LETM1: variants seen among roughly 807,000 people sequenced by gnomAD.
The protein encoded by LETM1 is mitochondrial proton/calcium exchanger protein.
In LETM1, 50 loss-of-function variants were observed where a neutral mutation model predicts 74.5. That is an observed-to-expected ratio of 0.67 (90% CI 0.53 to 0.85). The LOEUF is 0.85. Among genes scored for constraint, LETM1 ranks in the 40% least tolerant of loss-of-function variants. The pLI is 0.00. For missense variants in LETM1, 824 were observed against 967.8 expected, an observed-to-expected ratio of 0.85 and a Z score of 1.97; for synonymous variants, 446 against 407.1, an observed-to-expected ratio of 1.10 and a Z score of -1.15.
In LETM1 at chr4:1,814,251, G is replaced by A. The variant is rs576408933; in HGVS notation, c.*173C>T. 3.9e-5 allele frequency: 42 copies of A among 1,075,710 alleles called. No homozygotes were observed. Among genetic ancestry groups the A allele is most frequent in the Non-Finnish European group, 4.5e-5 (33 of 741,104 alleles). 66.6% of individuals were successfully genotyped at this position (1,075,710 alleles called of 1,614,324 possible). A position where few individuals can be genotyped will look rare whatever the true frequency, so the allele number is the denominator to read the frequency against. On this transcript the variant is annotated 3_prime_UTR_variant, in exon 14 of 14. Transcript: ENST00000302787. ...TGGAGGGGTTCCGGGATTCCAGACA[G>A]ACTGAATCTCCGTGGAATGATGAAA...
intron 3 of LETM1, among the ~76,000 whole-genome samples, chr4:1,837,699 G>GTTTTT (rs1156556783): frequency 4.0e-5 from 5 of 125,760 alleles, no homozygotes; most frequent in Non-Finnish European, 6.7e-5. Context: ...AAATTTACAA[G>GTTTTT]TTTTTTTTTT....
intron 6 of LETM1, 102 bp downstream of exon 6, chr4:1,832,642 A>G: frequency 8.5e-7 from 1 of 1,170,800 alleles, no homozygotes; most frequent in East Asian, 2.4e-5. Flanking sequence ...TCGATCGTTC[A>G]GCATCTTCCA....
rs528720483 is a variant in LETM1, at chr4:1,834,776, C to T, written c.876+69G>A. 5.1e-5 allele frequency: 81 copies of T among 1,596,090 alleles called. 1 individual carries two copies. The East Asian group carries it at 1.3e-3, about 25-fold the overall frequency. ...GGGAGCTCCACTCTGCTGAGCACAG[C>T]GAAAGGGAAACAGAAAATCAGGGAA... On this transcript the variant is annotated intron_variant, in intron 5 of 13. Coordinates refer to ENST00000302787, the MANE Select transcript of LETM1 (RefSeq NM_012318.3). This position sits in a 1 kb window ranked among gnomAD's most constrained non-coding sequence, Gnocchi z 5.0.
intron 1 of LETM1, among the ~76,000 whole-genome samples, chr4:1,853,294 G>C (rs563992048): frequency 6.6e-6 from 1 of 152,208 alleles, no homozygotes; most frequent in East Asian, 1.9e-4. Context: ...CTCGTAAAGC[G>C]ACTTCCTCCC....
chr4:1,843,097 G>A (rs538419070), intron 2 of LETM1: 3 of 258,010 alleles, frequency 1.2e-5, no homozygotes, highest in African/African-American at 4.6e-5. Flanking sequence ...AGCAAGGCCC[G>A]AGCTCCGGAG....
Position 1,823,684 on chromosome 4 carries a change from T to TCGG in LETM1, c.1289_1291dup (p.Ala430dup). 6.2e-7 allele frequency: 1 copy of TCGG among 1,613,926 alleles called. No homozygotes were observed. Among genetic ancestry groups the TCGG allele is most frequent in the Non-Finnish European group, 8.5e-7 (1 of 1,179,970 alleles). On this transcript the variant is annotated inframe_insertion, in exon 8 of 14. Coordinates refer to ENST00000302787, the MANE Select transcript of LETM1 (RefSeq NM_012318.3). ...GGTCTGCAGTGTGGACTTGAGCTGG[T>TCGG]CGGCTGGAGAGAGGGTGTCCGGGAG...
chr4:1,814,982 A>G lies in LETM1; in HGVS notation c.2071-409T>C, dbSNP rs1478453127. 1.3e-5 allele frequency among the ~76,000 whole-genome samples: 2 copies of G among 152,204 alleles called. 1 individual carries two copies. The highest frequency in any genetic ancestry group is 3.9e-4 in the East Asian group (2 of 5,190). On this transcript the variant is annotated intron_variant, in intron 13 of 13. Transcript: ENST00000302787. ...AGTAGATACATGATCCTTGCTTCCA[A>G]ACTGAACTGCAAGAAACCAGCCAAC...
chr4:1,824,692 G>A (rs994189341), intron 7 of LETM1, among the ~76,000 whole-genome samples: 6 of 152,308 alleles, frequency 3.9e-5, no homozygotes, highest in South Asian at 4.1e-4. Flanking sequence ...CCTGGGGGCC[G>A]AGGGGCCTGG....
rs184183323 is a variant in LETM1 at position 1,824,050 on chromosome 4, C to T, written c.1201-275G>A. Among the ~76,000 whole-genome samples the T allele has an allele frequency of 2.0e-3, 298 of 152,244 alleles. 1 individual carries two copies. The highest frequency in any genetic ancestry group is 3.4e-3 in the Non-Finnish European group (232 of 67,994). ...TTAAAAACACCCCAGGGGCCGGGCGCGGTGGCTCACGCCTGTAATCCCAGC... is the reference window on the plus strand; with the variant it reads ...TTAAAAACACCCCAGGGGCCGGGCGTGGTGGCTCACGCCTGTAATCCCAGC... On this transcript the variant is annotated intron_variant, in intron 7 of 13. Transcript: ENST00000302787.
intron 1 of LETM1, among the ~76,000 whole-genome samples, chr4:1,851,218 G>A (rs1713060537): frequency 6.6e-6 from 1 of 152,192 alleles, no homozygotes; most frequent in South Asian, 2.1e-4. Context: ...AGGCTGTGCA[G>A]AGGCTAGGCG....
chr4:1,814,359 A>G lies in LETM1; in HGVS notation c.*65T>C, dbSNP rs1035232281. The G allele has an allele frequency of 1.2e-6, 2 of 1,609,784 alleles. No individual in the cohort carries two copies. Among genetic ancestry groups the G allele is most frequent in the Non-Finnish European group, 1.7e-6 (2 of 1,176,882 alleles). Reference sequence around the variant, plus strand: ...AGCCACTGAGAATCACCACAAAGCAATCGCCCTCACGGCCCTTGCCAGGGT... The same window carrying G: ...AGCCACTGAGAATCACCACAAAGCAGTCGCCCTCACGGCCCTTGCCAGGGT... On this transcript the variant is annotated 3_prime_UTR_variant, in exon 14 of 14. Transcript: ENST00000302787.
At chr4:1,855,623 A>C (rs1266681033) in intron 1 of LETM1, among the ~76,000 whole-genome samples, 1 of 152,208 alleles carries the variant, frequency 6.6e-6, no homozygotes, top group Non-Finnish European at 1.5e-5. Context: ...ACTGTCTCTG[A>C]GGCAGTGACC....
intron 2 of LETM1, 68 bp from the exon 3 acceptor site, chr4:1,841,865 C>T (rs1237240020): frequency 8.5e-7 from 1 of 1,171,984 alleles, no homozygotes; most frequent in Non-Finnish European, 1.2e-6. Flanking sequence ...CAGCACCGAA[C>T]ACCAACAGCA....
rs945517541 is a variant in LETM1, at chr4:1,816,237, G to A, written c.1932-435C>T. Among the ~76,000 whole-genome samples the A allele has an allele frequency of 1.7e-3, 17 of 9,960 alleles. No individual in the cohort carries two copies. In the Middle Eastern group the frequency reaches 0.25, roughly 146 times the overall value. 6.5% of individuals were successfully genotyped at this position (9,960 alleles called of 152,430 possible). ...CTACAACACTGTGGGTGTGGAGGTG[G>A]AGATTTGGAACCTGCAGGGCACCAG... On this transcript the variant is annotated intron_variant, in intron 12 of 13. Transcript: ENST00000302787.
At position 1,814,260 on chromosome 4, in the gene LETM1, T is replaced by G; in HGVS notation, c.*164A>C. On this transcript the variant is annotated 3_prime_UTR_variant, in exon 14 of 14. Transcript: ENST00000302787. ...TCCGGGATTCCAGACAGACTGAATC[T>G]CCGTGGAATGATGAAAATTAAAATT... 8.8e-7 allele frequency: 1 copy of G among 1,130,036 alleles called. No individual in the cohort carries two copies. Among genetic ancestry groups the G allele is most frequent in the Non-Finnish European group, 1.3e-6 (1 of 787,240 alleles). 70.0% of individuals were successfully genotyped at this position (1,130,036 alleles called of 1,614,324 possible).
chr4:1,847,938 G>C (rs1360116676), intron 2 of LETM1, among the ~76,000 whole-genome samples: 1 of 151,496 alleles, frequency 6.6e-6, no homozygotes, highest in Non-Finnish European at 1.5e-5. Context: ...GGAGATTGCA[G>C]TGGGCAGAGA....
At chr4:1,816,953 A>G (rs1711588246) in intron 11 of LETM1, 39 bp from the exon 12 acceptor site, 1 of 1,567,062 alleles carries the variant, frequency 6.4e-7, no homozygotes, top group African/African-American at 1.4e-5. Context: ...TTTGTCTTAA[A>G]AGAAAAAGGG....
chr4:1,848,003 T>TA (rs1712941695), intron 2 of LETM1, among the ~76,000 whole-genome samples: 2 of 131,938 alleles, frequency 1.5e-5, no homozygotes, highest in Non-Finnish European at 3.4e-5. Context: ...TCAAAAAAAA[T>TA]AAAAATAAAA....
At chr4:1,823,562 C>A in intron 8 of LETM1, 82 bp downstream of exon 8, 4 of 1,557,134 alleles carry the variant, frequency 2.6e-6, no homozygotes, top group Middle Eastern at 4.6e-4. Context: ...GGAATGAGTG[C>A]GCTTGCACAC....
Sources: allele counts gnomAD v4.1 joint callset (sites outside exome capture counted in the v4.1 genomes callset), GRCh38; gene constraint gnomAD v4.1.1; non-coding constraint Gnocchi (gnomAD v3.1); transcripts MANE v1.5; gene names NCBI Gene and HGNC (gene_info 2026-07-23, HGNC 2026-07-21).